L3MBTL4: variants seen among roughly 807,000 people sequenced by gnomAD.
L3MBTL4 encodes lethal(3)malignant brain tumor-like protein 4.
Under a neutral mutation model 84.5 loss-of-function variants are expected in L3MBTL4, and 70 were observed. The ratio of observed to expected loss-of-function variants is 0.83; its 90% CI spans 0.68 to 1.01. The LOEUF (loss-of-function observed/expected upper bound fraction) is 1.01, where lower values mean the gene tolerates loss of function less well. L3MBTL4 is among the 50% of genes least tolerant of loss of function. L3MBTL4 has a pLI of 0.00. For synonymous variants in L3MBTL4, 274 were observed against 259.8 expected (o/e 1.05, Z -0.52); for missense variants, 715 against 754.8 (o/e 0.95, Z 0.62).
At chr18:6,069,322 T>C (rs1000401882) in intron 16 of L3MBTL4, among the ~76,000 whole-genome samples, 11 of 152,192 alleles carry the variant, frequency 7.2e-5, no homozygotes, top group Non-Finnish European at 1.5e-4. Context: ...AGGTGCTTAA[T>C]GGACTGTGTT....
intron 16 of L3MBTL4, among the ~76,000 whole-genome samples, chr18:5,987,434 C>T (rs1017239940): frequency 6.6e-6 from 1 of 152,260 alleles, no homozygotes; most frequent in South Asian, 2.1e-4. Flanking sequence ...AAACCCCACA[C>T]AGACCCGTGG....
At chr18:6,174,888 T>C (rs1599015040) in intron 12 of L3MBTL4, among the ~76,000 whole-genome samples, 1 of 146,348 alleles carries the variant, frequency 6.8e-6, no homozygotes, top group Non-Finnish European at 1.5e-5. Flanking sequence ...AAAAAGATGA[T>C]ACAAGATTTA....
intron 18 of L3MBTL4, among the ~76,000 whole-genome samples, chr18:5,958,039 AGG>A (rs2095238147): frequency 7.3e-6 from 1 of 137,808 alleles, no homozygotes; most frequent in African/African-American, 3.2e-5. Flanking sequence ...GAGGAGGAGG[AGG>A]AGGAGAAGGA....
At chr18:6,068,952 C>T (rs77106819) in intron 16 of L3MBTL4, among the ~76,000 whole-genome samples, 1 of 152,162 alleles carries the variant, frequency 6.6e-6, no homozygotes, top group African/African-American at 2.4e-5. Context: ...TCCTGAGACC[C>T]AGACCACAGT....
chr18:5,956,532 T>C, intron 18 of L3MBTL4, 145 bp from the exon 19 acceptor site: 2 of 673,918 alleles, frequency 3.0e-6, no homozygotes, highest in South Asian at 1.9e-5. Flanking sequence ...TGACGGTAGC[T>C]CTCACTCGGC....
chr18:6,076,705 A>G (rs1210995645), intron 16 of L3MBTL4, among the ~76,000 whole-genome samples: 1 of 152,202 alleles, frequency 6.6e-6, no homozygotes, highest in Admixed American at 6.5e-5. Context: ...TATATCCAAA[A>G]TAAATCCATT....
At chr18:6,372,193 A>G (rs1368094192) in intron 1 of L3MBTL4, among the ~76,000 whole-genome samples, 1 of 152,156 alleles carries the variant, frequency 6.6e-6, no homozygotes, top group Non-Finnish European at 1.5e-5. Context: ...ACTGCTTGCT[A>G]AAAAAGTGGT....
intron 1 of L3MBTL4, among the ~76,000 whole-genome samples, chr18:6,408,764 C>T (rs2055842919): frequency 6.6e-6 from 1 of 151,936 alleles, no homozygotes. Flanking sequence ...TCACTGCAAC[C>T]CCCACCTCCC....
In L3MBTL4 at chr18:6,215,774, T is replaced by G; in HGVS notation, c.846A>C (p.Ala282=). The G allele has an allele frequency of 6.2e-7, 1 of 1,605,920 alleles. No homozygotes were observed. Among genetic ancestry groups the G allele is most frequent in the Non-Finnish European group, 8.5e-7 (1 of 1,176,540 alleles). The change falls in exon 11 of 19, where the codon GCA becomes GCC. Residue 282 remains alanine, a synonymous_variant. Coordinates refer to ENST00000317931, the MANE Select transcript of L3MBTL4 (RefSeq NM_001330559.2). Reference sequence around the variant, plus strand: ...CCATTTTAAAAACTTTGGCAGGAACTGCATTGGTTTGAGTAGCTTCCAGGT... The same window carrying G: ...CCATTTTAAAAACTTTGGCAGGAACGGCATTGGTTTGAGTAGCTTCCAGGT... The part of the protein sequence containing the change: ...TEYLEATQTN[A]VPAKVFKMRL...
chr18:6,122,259 C>T (rs2059556237), intron 14 of L3MBTL4, among the ~76,000 whole-genome samples: 1 of 152,282 alleles, frequency 6.6e-6, no homozygotes, highest in African/African-American at 2.4e-5. Context: ...AAGGAAAAAA[C>T]ATCAACATTC....
chr18:6,364,535 T>G (rs2053848027), intron 1 of L3MBTL4, among the ~76,000 whole-genome samples: 1 of 152,098 alleles, frequency 6.6e-6, no homozygotes, highest in African/African-American at 2.4e-5. Context: ...CCTAAAAGCT[T>G]TATTGTTACC....
At chr18:6,206,709 C>G (rs1331019620) in intron 12 of L3MBTL4, among the ~76,000 whole-genome samples, 1 of 152,040 alleles carries the variant, frequency 6.6e-6, no homozygotes, top group African/African-American at 2.4e-5. Context: ...ACACTGAAAA[C>G]CAAATAAAAA....
chr18:6,408,444 T>G (rs959262275), intron 1 of L3MBTL4, among the ~76,000 whole-genome samples: 1 of 152,232 alleles, frequency 6.6e-6, no homozygotes, highest in Non-Finnish European at 1.5e-5. Context: ...CTCTTAGCAG[T>G]ATCCTAAGAT....
At chr18:6,320,093 A>G (rs772499661) in intron 1 of L3MBTL4, among the ~76,000 whole-genome samples, 2 of 152,076 alleles carry the variant, frequency 1.3e-5, no homozygotes, top group African/African-American at 2.4e-5. Flanking sequence ...AAACTCCAGT[A>G]TCCCTTTATG....
intron 1 of L3MBTL4, among the ~76,000 whole-genome samples, chr18:6,402,805 G>A (rs906036141): frequency 1.3e-4 from 20 of 152,210 alleles, no homozygotes; most frequent in African/African-American, 4.8e-4. Flanking sequence ...AGAATAAAAG[G>A]TTAGTTTATA....
In L3MBTL4 at chr18:6,178,791, A is replaced by G. The variant is rs188298126; in HGVS notation, c.982-6849T>C. Reference sequence around the variant, plus strand: ...TATTAAAAACAACAACAACAAGGAAAAACTCCTTGGCATAAATCCCACACT... The same window carrying G: ...TATTAAAAACAACAACAACAAGGAAGAACTCCTTGGCATAAATCCCACACT... On this transcript the variant is annotated intron_variant, in intron 12 of 18. Transcript: ENST00000317931. Among the ~76,000 whole-genome samples, 6 of 152,274 alleles carry G rather than the reference A, an allele frequency of 3.9e-5. No homozygotes were observed. The East Asian group carries it at 1.2e-3, about 29-fold the overall frequency.
At chr18:6,098,646 C>T (rs1250182765) in intron 14 of L3MBTL4, among the ~76,000 whole-genome samples, 1 of 152,162 alleles carries the variant, frequency 6.6e-6, no homozygotes, top group Non-Finnish European at 1.5e-5. Flanking sequence ...GGAAACGTGG[C>T]TTCCTATAGC....
At chr18:6,319,964 C>G (rs780752538) in intron 1 of L3MBTL4, among the ~76,000 whole-genome samples, 5 of 151,944 alleles carry the variant, frequency 3.3e-5, no homozygotes, top group Non-Finnish European at 7.4e-5. Context: ...GGGTTTTATT[C>G]CAGAGACGGA....
At chr18:6,348,327 C>G (rs913235104) in intron 1 of L3MBTL4, among the ~76,000 whole-genome samples, 3 of 151,900 alleles carry the variant, frequency 2.0e-5, no homozygotes, top group African/African-American at 7.3e-5. Flanking sequence ...AGAAGAAGAA[C>G]AAATCTAGAT....
Sources: allele counts gnomAD v4.1 joint callset (sites outside exome capture counted in the v4.1 genomes callset), GRCh38; gene constraint gnomAD v4.1.1; transcripts MANE v1.5; gene names NCBI Gene and HGNC (gene_info 2026-07-23, HGNC 2026-07-21).